Variants in PPM1H observed in about 807,000 individuals in gnomAD.
The protein encoded by PPM1H is protein phosphatase 1H.
PPM1H carries 27 observed loss-of-function variants against 54.9 expected under a neutral mutation model. The observed-to-expected ratio is 0.49, with a 90% CI of 0.36 to 0.68. The LOEUF (loss-of-function observed/expected upper bound fraction) is 0.68, where lower values mean the gene tolerates loss of function less well. Among genes scored for constraint, PPM1H ranks in the 30% least tolerant of loss-of-function variants. The pLI, the probability that PPM1H is intolerant of heterozygous loss-of-function variation, is 0.00. For missense variants in PPM1H, 596 were observed against 667.8 expected (o/e 0.89, Z 1.19); for synonymous variants, 305 against 270.8 (o/e 1.13, Z -1.24).
chr12:62,750,330 T>C (rs1202385851), intron 4 of PPM1H, among the ~76,000 whole-genome samples: 1 of 152,252 alleles, frequency 6.6e-6, no homozygotes, highest in Non-Finnish European at 1.5e-5. Context: ...TTTGTCTCTA[T>C]GGATTAATCT....
At chr12:62,848,889 G>T (rs1299029788) in intron 1 of PPM1H, among the ~76,000 whole-genome samples, 1 of 152,100 alleles carries the variant, frequency 6.6e-6, no homozygotes, top group Non-Finnish European at 1.5e-5. Context: ...GTGGGGTTGG[G>T]GGGGCAGTCA....
chr12:62,812,500 T>C, intron 2 of PPM1H, among the ~76,000 whole-genome samples: 1 of 152,118 alleles, frequency 6.6e-6, no homozygotes, highest in Non-Finnish European at 1.5e-5. Flanking sequence ...AACAATAACT[T>C]TGAGGCAGTT....
At chr12:62,797,280 G>A (rs1447586759) in intron 3 of PPM1H, among the ~76,000 whole-genome samples, 3 of 152,208 alleles carry the variant, frequency 2.0e-5, no homozygotes, top group Admixed American at 2.0e-4. Context: ...TGTCATCAGT[G>A]AGGCAAATTA....
chr12:62,701,365 C>G (rs1011700300), intron 6 of PPM1H, among the ~76,000 whole-genome samples: 1 of 152,186 alleles, frequency 6.6e-6, no homozygotes, highest in Non-Finnish European at 1.5e-5. Context: ...GCAGCCACAC[C>G]GAAGCCCTTT....
chr12:62,822,977 A>G (rs928407498), intron 2 of PPM1H, among the ~76,000 whole-genome samples: 10 of 152,210 alleles, frequency 6.6e-5, no homozygotes, highest in Non-Finnish European at 2.9e-5. Flanking sequence ...GAAAAGTTCA[A>G]CAGAATTGAT....
chr12:62,840,004 A>G (rs11174690), intron 1 of PPM1H: 17,837 of 151,628 alleles, frequency 0.12, 2,096 homozygotes, highest in African/African-American at 0.3. Flanking sequence ...TTGTGCCACC[A>G]TACTCTAGTC....
chr12:62,663,718 G>A (rs938873918), intron 9 of PPM1H, among the ~76,000 whole-genome samples: 18 of 152,288 alleles, frequency 1.2e-4, no homozygotes, highest in Admixed American at 4.6e-4. Flanking sequence ...CTTGCCGGGC[G>A]CAGTGGCTCA....
chr12:62,734,505 CT>C (rs1473201360), intron 5 of PPM1H, among the ~76,000 whole-genome samples: 1 of 151,670 alleles, frequency 6.6e-6, no homozygotes, highest in African/African-American at 2.4e-5. Flanking sequence ...ATTACATACA[CT>C]TACGTGAGAT....
intron 6 of PPM1H, among the ~76,000 whole-genome samples, chr12:62,697,579 C>T (rs1283915379): frequency 6.6e-6 from 1 of 152,114 alleles, no homozygotes; most frequent in Non-Finnish European, 1.5e-5. Context: ...CATGTCAAGG[C>T]TATAGGCTTG....
At chr12:62,762,532 T>C (rs542156037) in intron 4 of PPM1H, among the ~76,000 whole-genome samples, 3 of 152,300 alleles carry the variant, frequency 2.0e-5, no homozygotes, top group Admixed American at 6.5e-5. Context: ...ATGATCCTTA[T>C]AGCAGACACA....
intron 1 of PPM1H, among the ~76,000 whole-genome samples, chr12:62,861,915 A>C (rs1246323360): frequency 6.6e-6 from 1 of 152,202 alleles, no homozygotes; most frequent in East Asian, 1.9e-4. Context: ...TATTATGAAA[A>C]ATTTCTAGAT....
intron 1 of PPM1H, 53 bp from the exon 2 acceptor site, chr12:62,832,332 C>T (rs975159180): frequency 1.1e-5 from 17 of 1,533,460 alleles, no homozygotes; most frequent in Non-Finnish European, 1.4e-5. Flanking sequence ...GCTGAGGGCA[C>T]AGTCCCTTGT....
At chr12:62,885,920 G>A (rs1026000218) in intron 1 of PPM1H, among the ~76,000 whole-genome samples, 8 of 152,138 alleles carry the variant, frequency 5.3e-5, no homozygotes, top group Non-Finnish European at 7.4e-5. Flanking sequence ...TAACATCAGG[G>A]CTATAAAACT....
intron 7 of PPM1H, among the ~76,000 whole-genome samples, chr12:62,691,699 T>C (rs1048676952): frequency 2.6e-5 from 4 of 151,716 alleles, no homozygotes; most frequent in African/African-American, 9.7e-5. Flanking sequence ...GGCATGCGCC[T>C]GTAGTCCCAG....
At chr12:62,805,076 AATAAAG>A (rs2120759636) in intron 2 of PPM1H, among the ~76,000 whole-genome samples, 1 of 152,318 alleles carries the variant, frequency 6.6e-6, no homozygotes, top group South Asian at 2.1e-4. Flanking sequence ...ACATTTCTCA[AATAAAG>A]ATAAGCAAGT....
At chr12:62,880,352 T>C (rs990948836) in intron 1 of PPM1H, among the ~76,000 whole-genome samples, 1 of 152,192 alleles carries the variant, frequency 6.6e-6, no homozygotes, top group South Asian at 2.1e-4. Context: ...ATTTGGCCAA[T>C]TACTACACAT....
intron 4 of PPM1H, among the ~76,000 whole-genome samples, chr12:62,759,404 T>G (rs2076493654): frequency 6.6e-6 from 1 of 152,136 alleles, no homozygotes; most frequent in African/African-American, 2.4e-5. Context: ...TCCCTCAACC[T>G]CTTTCTCCTT....
rs768059969 is a variant in PPM1H, at chr12:62,689,815, A to G, written c.1138-9T>C. ...GTTGCCATTACCCGGGCCTAGGAGT[A>G]TAAGCAGAGGGTCATCAGAAACACG... On this transcript the variant is annotated splice_polypyrimidine_tract_variant and intron_variant, in intron 7 of 9. Transcript: ENST00000228705. 5.0e-6 allele frequency: 8 copies of G among 1,596,742 alleles called. No individual in the cohort carries two copies. The highest frequency in any genetic ancestry group is 6.9e-6 in the Non-Finnish European group (8 of 1,165,872).
chr12:62,704,420 T>G (rs1440714678), intron 6 of PPM1H, among the ~76,000 whole-genome samples: 2 of 152,198 alleles, frequency 1.3e-5, no homozygotes, highest in East Asian at 3.8e-4. Context: ...TGAATTTATG[T>G]GTTGGAAGAT....
Sources: gnomAD v4.1 joint callset for allele counts (sites outside exome capture counted in the v4.1 genomes callset) on GRCh38, gnomAD v4.1.1 for gene constraint, MANE v1.5 for transcripts, NCBI Gene and HGNC (gene_info 2026-07-23, HGNC 2026-07-21) for gene names.